PRDM15: variants seen among roughly 807,000 people sequenced by gnomAD.
PRDM15 encodes the protein PR domain zinc finger protein 15.
Under a neutral mutation model 128.6 loss-of-function variants are expected in PRDM15, and 64 were observed. The observed-to-expected ratio is 0.50, with a 90% CI of 0.41 to 0.61. The LOEUF is 0.61. Among genes scored for constraint, PRDM15 ranks in the 20% least tolerant of loss-of-function variants. PRDM15 has a pLI of 0.00. For missense variants in PRDM15, 1,242 were observed against 1,569.1 expected (o/e 0.79, Z 3.52); for synonymous variants, 615 against 621.8 (o/e 0.99, Z 0.16).
chr21:41,806,530 A>ACCAC (rs139658125), intron 21 of PRDM15, among the ~76,000 whole-genome samples: 265 of 6,582 alleles, frequency 0.04, 37 homozygotes, highest in Middle Eastern at 0.25. Flanking sequence ...CATCACCACC[A>ACCAC]CCATCACTAC....
chr21:41,878,753 G>C (rs1355261054), intron 1 of PRDM15: 1 of 1,552,190 alleles, frequency 6.4e-7, no homozygotes, highest in East Asian at 2.5e-5. Flanking sequence ...CGTGCGACCC[G>C]CATGGGCTGT....
intron 1 of PRDM15, chr21:41,871,755 T>A: frequency 2.0e-6 from 2 of 1,009,940 alleles, no homozygotes; most frequent in Non-Finnish European, 1.4e-6. Flanking sequence ...GCCTCCTTCC[T>A]GGATGGTTGC....
At chr21:41,807,315 T>C (rs2061711968) in intron 21 of PRDM15, among the ~76,000 whole-genome samples, 1 of 152,226 alleles carries the variant, frequency 6.6e-6, no homozygotes. Flanking sequence ...TGAATCTCTG[T>C]AAGTAGTTTA....
intron 13 of PRDM15, among the ~76,000 whole-genome samples, chr21:41,825,616 T>G (rs188452236): frequency 2.0e-5 from 3 of 152,162 alleles, no homozygotes; most frequent in African/African-American, 7.2e-5. Flanking sequence ...TCCTCATTCA[T>G]TGTGCCCCAG....
chr21:41,817,291 G>T (rs1194422799), intron 18 of PRDM15, among the ~76,000 whole-genome samples: 1 of 152,132 alleles, frequency 6.6e-6, no homozygotes. Flanking sequence ...TCAATACCTG[G>T]TGTCATATTC....
In PRDM15 at chr21:41,854,521, G is replaced by A. The variant is rs764611909; in HGVS notation, c.538+45C>T. On this transcript the variant is annotated intron_variant, in intron 5 of 23. Transcript: ENST00000398548. This position sits in a 1 kb window ranked among gnomAD's most constrained non-coding sequence, Gnocchi z 4.6. ...GCCAAGGGACCATAACCCCTTCGGC[G>A]AGGCACAAGGGAAGGTGGGCTCCGG... 26 of 1,605,518 alleles carry A rather than the reference G, an allele frequency of 1.6e-5. No individual in the cohort carries two copies. The highest frequency in any genetic ancestry group is 8.0e-5 in the African/African-American group (6 of 74,900).
Position 41,815,845 on chromosome 21 carries a change from A to G in PRDM15, c.2261-9T>C. 6.2e-7 allele frequency: 1 copy of G among 1,612,602 alleles called. No individual in the cohort carries two copies. On this transcript the variant is annotated splice_polypyrimidine_tract_variant and intron_variant, in intron 18 of 23. Coordinates refer to ENST00000398548, the MANE Select transcript of PRDM15 (RefSeq NM_001040424.3). ...GTGCTTGGTCTTCATGCCTTCAAGG[A>G]CACAGCGAGTCAGAGGCGGCCACAC...
intron 11 of PRDM15, chr21:41,834,536 C>A (rs951114682): frequency 1.3e-6 from 2 of 1,548,150 alleles, no homozygotes; most frequent in South Asian, 1.2e-5. Context: ...TGCCGCCGGG[C>A]CCCCCCTCTC....
Position 41,857,302 on chromosome 21 carries a change from G to A in PRDM15, c.159C>T (p.Ile53=), listed in dbSNP as rs1392027228. 1 of 1,613,936 alleles carries A rather than the reference G, an allele frequency of 6.2e-7. No homozygotes were observed. The highest frequency in any genetic ancestry group is 1.3e-5 in the African/African-American group (1 of 75,054). ...CCTCGGCTCCATCTTCCAGTCGTCT[G>A]ATCTCCAAGTTGGGAGGAAGGGATG... ...ARSSLPPNLE[I]RRLEDGAEGV... is the part of the protein sequence containing the mutation. Residue 53 remains isoleucine, a synonymous_variant, in exon 4 of 24, where the codon ATC becomes ATT. Transcript: ENST00000398548.
Position 41,862,385 on chromosome 21 carries a change from C to T in PRDM15, c.-9-2013G>A, listed in dbSNP as rs150057809. ...CGAATCCCCTGAGGCCTTGTGTGGCCGCCTCTCCCCGGGGCAGACCTTGCC... is the reference window on the plus strand; with the variant it reads ...CGAATCCCCTGAGGCCTTGTGTGGCTGCCTCTCCCCGGGGCAGACCTTGCC... On this transcript the variant is annotated intron_variant, in intron 1 of 23. Transcript: ENST00000398548. The surrounding 1 kb of genome is among the most constrained non-coding windows in gnomAD (Gnocchi z 4.1). Among the ~76,000 whole-genome samples, 33 of 152,238 alleles carry T rather than the reference C, an allele frequency of 2.2e-4. No homozygotes were observed. Among genetic ancestry groups the T allele is most frequent in the African/African-American group, 7.5e-4 (31 of 41,542 alleles).
intron 5 of PRDM15, among the ~76,000 whole-genome samples, chr21:41,853,120 T>TGC (rs1168088401): frequency 6.6e-6 from 1 of 152,192 alleles, no homozygotes; most frequent in Non-Finnish European, 1.5e-5. Context: ...CCTCCAGCAC[T>TGC]GCGGGAGGCA....
At chr21:41,853,943 G>A (rs61697867) in intron 5 of PRDM15, among the ~76,000 whole-genome samples, 186 of 152,204 alleles carry the variant, frequency 1.2e-3, no homozygotes, top group African/African-American at 3.9e-3. Flanking sequence ...TGTTTCCTCC[G>A]TCCAAAGACA....
In PRDM15 at chr21:41,859,059, TC is replaced by T; in HGVS notation, c.131+532del. ...CCCTGGGCCACCAGGTGGCACAGCC[TC>T]CCCCAGGTGAGGGTGGAACGGCAGG... On this transcript the variant is annotated intron_variant, in intron 3 of 23. Coordinates refer to ENST00000398548, the MANE Select transcript of PRDM15 (RefSeq NM_001040424.3). This position sits in a 1 kb window ranked among gnomAD's most constrained non-coding sequence, Gnocchi z 5.3. 1 of 1,571,570 alleles carries T rather than the reference TC, an allele frequency of 6.4e-7. No individual in the cohort carries two copies. Among genetic ancestry groups the T allele is most frequent in the Non-Finnish European group, 8.6e-7 (1 of 1,158,778 alleles).
rs1028807513 is a variant in PRDM15 at position 41,811,127 on chromosome 21, C to T, written c.2393-291G>A. 11 of 394,832 alleles carry T rather than the reference C, an allele frequency of 2.8e-5. No individual in the cohort carries two copies. The highest frequency in any genetic ancestry group is 5.2e-5 in the Non-Finnish European group (11 of 211,802). 24.5% of individuals were successfully genotyped at this position (394,832 alleles called of 1,614,324 possible). On this transcript the variant is annotated intron_variant, in intron 19 of 23. Transcript: ENST00000398548. This position sits in a 1 kb window ranked among gnomAD's most constrained non-coding sequence, Gnocchi z 4.1. ...ACCCACATGTGGACAAGCAGAAAAACGATAGGAATTTCTTTAAAGCATTAA... is the reference window on the plus strand; with the variant it reads ...ACCCACATGTGGACAAGCAGAAAAATGATAGGAATTTCTTTAAAGCATTAA...
intron 10 of PRDM15, among the ~76,000 whole-genome samples, chr21:41,835,829 A>T (rs959568217): frequency 9.9e-5 from 6 of 60,316 alleles, no homozygotes; most frequent in African/African-American, 3.8e-4. Context: ...CAGGGACGCC[A>T]GGACACCCAC....
intron 21 of PRDM15, among the ~76,000 whole-genome samples, chr21:41,806,123 CCATCACCACCACCAT>C (rs2061584597): frequency 1.6e-5 from 1 of 61,426 alleles, no homozygotes; most frequent in Non-Finnish European, 3.5e-5. Context: ...ACCACCACCA[CCATCACCACCACCAT>C]CACCACCACC....
At chr21:41,858,050 T>C (rs575161314) in intron 3 of PRDM15, among the ~76,000 whole-genome samples, 17 of 152,166 alleles carry the variant, frequency 1.1e-4, no homozygotes, top group Admixed American at 7.2e-4. Flanking sequence ...GGTCCAGCGA[T>C]GGAGGAGGGA....
chr21:41,831,421 T>G (rs2062686671), intron 11 of PRDM15, among the ~76,000 whole-genome samples: 2 of 152,272 alleles, frequency 1.3e-5, no homozygotes, highest in Admixed American at 6.5e-5. Flanking sequence ...CAGCGTCCCT[T>G]GGGGCAAACG....
Position 41,821,057 on chromosome 21 carries a change from C to A in PRDM15, c.2060+10G>T. On this transcript the variant is annotated intron_variant, in intron 16 of 23. Coordinates refer to ENST00000398548, the MANE Select transcript of PRDM15 (RefSeq NM_001040424.3). The surrounding 1 kb of genome is among the most constrained non-coding windows in gnomAD (Gnocchi z 5.4). ...CTGACACAACCCGGGAGCCCCCGAC[C>A]AGGCCTCACTTCTGCACGTTGGGGT... 1 of 1,614,160 alleles carries A rather than the reference C, an allele frequency of 6.2e-7. No homozygotes were observed. Among genetic ancestry groups the A allele is most frequent in the Non-Finnish European group, 8.5e-7 (1 of 1,180,000 alleles).
Sources: allele counts gnomAD v4.1 joint callset (sites outside exome capture counted in the v4.1 genomes callset), GRCh38; gene constraint gnomAD v4.1.1; non-coding constraint Gnocchi (gnomAD v3.1); transcripts MANE v1.5; gene names NCBI Gene and HGNC (gene_info 2026-07-23, HGNC 2026-07-21).